EYS: variants seen among roughly 807,000 people sequenced by gnomAD.
EYS encodes the protein protein eyes shut homolog.
A neutral mutation model predicts 282.1 loss-of-function variants in EYS; 250 were observed. That is an observed-to-expected ratio of 0.89 (90% CI 0.80 to 0.98). The LOEUF (loss-of-function observed/expected upper bound fraction) is 0.98, where lower values mean the gene tolerates loss of function less well. Ranked by LOEUF, EYS falls within the 50% of genes least tolerant of loss-of-function variation. EYS has a pLI of 0.00. For synonymous variants in EYS, 1,355 were observed against 1,282.9 expected (o/e 1.06, Z -1.20); for missense variants, 4,016 against 3,709.0 (o/e 1.08, Z -2.15).
intron 5 of EYS, among the ~76,000 whole-genome samples, chr6:65,430,710 A>G (rs1176985512): frequency 6.6e-6 from 1 of 152,174 alleles, no homozygotes; most frequent in Non-Finnish European, 1.5e-5. Context: ...AGGATAGGAC[A>G]CTGGTCAGAG....
intron 22 of EYS, among the ~76,000 whole-genome samples, chr6:64,716,245 C>T (rs1315307792): frequency 6.6e-6 from 1 of 152,182 alleles, no homozygotes; most frequent in Non-Finnish European, 1.5e-5. Context: ...GCAGTCAAGT[C>T]ATGGTAGCCG....
At chr6:65,416,701 T>C (rs1767253767) in intron 5 of EYS, among the ~76,000 whole-genome samples, 1 of 152,000 alleles carries the variant, frequency 6.6e-6, no homozygotes, top group African/African-American at 2.4e-5. Flanking sequence ...AGCAATTCTG[T>C]GTAAAATAAC....
chr6:64,777,238 T>C lies in EYS; in HGVS notation c.3443+36140A>G, dbSNP rs981693070. 2.0e-5 allele frequency among the ~76,000 whole-genome samples: 3 copies of C among 152,158 alleles called. No homozygotes were observed. In the East Asian group the frequency reaches 5.8e-4, roughly 29 times the overall value. On this transcript the variant is annotated intron_variant, in intron 22 of 42. Coordinates refer to ENST00000503581, the MANE Select transcript of EYS (RefSeq NM_001142800.2). Reference sequence around the variant, plus strand: ...TTATATAGTAGACTGGGATATAAAATAGACAAGGCAGACTGTTGTATTAAG... The same window carrying C: ...TTATATAGTAGACTGGGATATAAAACAGACAAGGCAGACTGTTGTATTAAG...
At chr6:64,902,678 C>T (rs993729648) in intron 16 of EYS, among the ~76,000 whole-genome samples, 178 bp from the exon 17 acceptor site, 9 of 152,030 alleles carry the variant, frequency 5.9e-5, no homozygotes, top group African/African-American at 1.9e-4. Context: ...TAAAAACATG[C>T]CAGTTTCTAG....
intron 9 of EYS, 87 bp from the exon 10 acceptor site, chr6:65,344,264 TGAAAA>T: frequency 8.9e-7 from 1 of 1,122,476 alleles, no homozygotes; most frequent in Non-Finnish European, 1.3e-6. Context: ...TCAAATTACT[TGAAAA>T]GATAAATTTG....
At chr6:64,061,957 A>G (rs1306430413) in intron 33 of EYS, among the ~76,000 whole-genome samples, 1 of 147,708 alleles carries the variant, frequency 6.8e-6, no homozygotes, top group East Asian at 2.0e-4. Flanking sequence ...ACAGAGCGAG[A>G]CTCTTTCAAA....
chr6:64,641,838 T>C (rs571930792), intron 22 of EYS, among the ~76,000 whole-genome samples: 2 of 152,312 alleles, frequency 1.3e-5, no homozygotes, highest in South Asian at 2.1e-4. Context: ...GAACCTCATA[T>C]GCAGGGGAAT....
chr6:64,293,134 C>T (rs997743873), intron 30 of EYS, among the ~76,000 whole-genome samples: 1 of 151,984 alleles, frequency 6.6e-6, no homozygotes, highest in Non-Finnish European at 1.5e-5. Context: ...ACAGAATTTG[C>T]ACATGGAATA....
At chr6:64,638,298 G>A (rs1562105717) in intron 22 of EYS, among the ~76,000 whole-genome samples, 2 of 91,736 alleles carry the variant, frequency 2.2e-5, no homozygotes, top group East Asian at 4.9e-4. Context: ...AAAGTGTTTA[G>A]TTATAGGTAG....
At chr6:65,471,723 T>C (rs1484730922) in intron 5 of EYS, among the ~76,000 whole-genome samples, 1 of 152,162 alleles carries the variant, frequency 6.6e-6, no homozygotes, top group African/African-American at 2.4e-5. Context: ...CTATGAATCA[T>C]AATTATTTGT....
At chr6:64,218,422 C>T (rs998182688) in intron 31 of EYS, among the ~76,000 whole-genome samples, 2 of 152,136 alleles carry the variant, frequency 1.3e-5, no homozygotes, top group Non-Finnish European at 2.9e-5. Flanking sequence ...TCTGTTCTAT[C>T]CTATCTCTGT....
intron 34 of EYS, among the ~76,000 whole-genome samples, chr6:63,987,523 A>G (rs1767423941): frequency 6.6e-6 from 1 of 151,708 alleles, no homozygotes; most frequent in Non-Finnish European, 1.5e-5. Flanking sequence ...TAAAATGCAG[A>G]CCTTCTCTGT....
chr6:65,495,299 A>G lies in EYS; in HGVS notation c.112T>C (p.Ser38Pro). The change falls in exon 4 of 43, where the codon TCA becomes CCA. Residue 38 changes from serine to proline, a missense_variant. Physicochemically the swap from Ser to Pro is moderately conservative, Grantham distance 74. Coordinates refer to ENST00000503581, the MANE Select transcript of EYS (RefSeq NM_001142800.2). ...LVEEWHPQPS[S>P]YVVNWTLTEN... Reference sequence around the variant, plus strand: ...GTTAGTGTCCAATTTACCACATATGATGAGGGTTGTGGATGCCATTCTTCC... The same window carrying G: ...GTTAGTGTCCAATTTACCACATATGGTGAGGGTTGTGGATGCCATTCTTCC... 1.2e-6 allele frequency: 2 copies of G among 1,614,116 alleles called. No homozygotes were observed. Among genetic ancestry groups the G allele is most frequent in the African/African-American group, 1.3e-5 (1 of 75,042 alleles).
intron 12 of EYS, among the ~76,000 whole-genome samples, chr6:65,078,405 T>A (rs1462983920): frequency 6.6e-6 from 1 of 151,998 alleles, no homozygotes; most frequent in African/African-American, 2.4e-5. Context: ...TAGAACACAA[T>A]AGCAAAATAG....
At chr6:64,154,468 CT>C (rs1774850784) in intron 31 of EYS, among the ~76,000 whole-genome samples, 1 of 147,468 alleles carries the variant, frequency 6.8e-6, no homozygotes. Context: ...AAAAAAATGC[CT>C]CACAGGGAGT....
intron 12 of EYS, among the ~76,000 whole-genome samples, chr6:65,257,050 T>C (rs1408033520): frequency 1.8e-5 from 1 of 55,658 alleles, no homozygotes; most frequent in African/African-American, 9.1e-5. Context: ...ATGTGTTTTT[T>C]GGCCGCATAA....
intron 29 of EYS, among the ~76,000 whole-genome samples, chr6:64,370,985 C>T (rs546162692): frequency 6.6e-6 from 1 of 151,848 alleles, no homozygotes; most frequent in African/African-American, 2.4e-5. Context: ...ATTCATTGAT[C>T]CTTTATGGTT....
chr6:64,380,734 A>G (rs976080212), intron 29 of EYS, among the ~76,000 whole-genome samples: 1 of 152,136 alleles, frequency 6.6e-6, no homozygotes, highest in Non-Finnish European at 1.5e-5. Flanking sequence ...AATAAAGATT[A>G]TGGCCGAGCA....
intron 22 of EYS, chr6:64,733,390 T>G (rs1772042637): frequency 5.7e-6 from 1 of 174,648 alleles, no homozygotes; most frequent in Admixed American, 6.0e-5. Flanking sequence ...AGCTTGGTGC[T>G]TAACAGATGG....
Sources: allele counts gnomAD v4.1 joint callset (sites outside exome capture counted in the v4.1 genomes callset), GRCh38; gene constraint gnomAD v4.1.1; transcripts MANE v1.5; gene names NCBI Gene and HGNC (gene_info 2026-07-23, HGNC 2026-07-21).